CNTNAP2: variants seen among roughly 807,000 people sequenced by gnomAD.
CNTNAP2 encodes the protein contactin-associated protein-like 2.
In CNTNAP2, 98 loss-of-function variants were observed where a neutral mutation model predicts 155.2. That is an observed-to-expected ratio of 0.63 (90% CI 0.54 to 0.75). The LOEUF is 0.75. Ranked by LOEUF, CNTNAP2 falls within the 30% of genes least tolerant of loss-of-function variation. The probability of loss-of-function intolerance (pLI) is 0.00; values close to 1 mark genes in which losing one functional copy is unlikely to be tolerated. For synonymous variants in CNTNAP2, 651 were observed against 631.2 expected, an observed-to-expected ratio of 1.03 and a Z score of -0.47; for missense variants, 1,727 against 1,688.1, an observed-to-expected ratio of 1.02 and a Z score of -0.40.
intron 16 of CNTNAP2, among the ~76,000 whole-genome samples, chr7:148,128,769 G>C (rs771722374): frequency 6.6e-6 from 1 of 152,116 alleles, no homozygotes; most frequent in Non-Finnish European, 1.5e-5. Flanking sequence ...AGAAGATTGG[G>C]AATTCCTCCT....
intron 17 of CNTNAP2, among the ~76,000 whole-genome samples, chr7:148,164,451 G>A (rs746466440): frequency 3.3e-5 from 5 of 152,132 alleles, no homozygotes; most frequent in Non-Finnish European, 7.3e-5. Flanking sequence ...CCTAGACACA[G>A]AGGAGTCCTA....
chr7:148,014,462 A>C (rs1363616402), intron 15 of CNTNAP2, among the ~76,000 whole-genome samples: 2 of 152,186 alleles, frequency 1.3e-5, no homozygotes, highest in African/African-American at 4.8e-5. Flanking sequence ...TATTTACTAG[A>C]ATCTGGCAGA....
intron 3 of CNTNAP2, among the ~76,000 whole-genome samples, chr7:146,849,701 T>C (rs1794836137): frequency 6.6e-6 from 1 of 152,210 alleles, no homozygotes; most frequent in South Asian, 2.1e-4. Context: ...CAATGCCCCA[T>C]AAATATAGTC....
Position 146,532,743 on chromosome 7 carries a change from A to G in CNTNAP2, c.98-241528A>G, listed in dbSNP as rs535179971. On this transcript the variant is annotated intron_variant, in intron 1 of 23. Coordinates refer to ENST00000361727, the MANE Select transcript of CNTNAP2 (RefSeq NM_014141.6). Reference sequence around the variant, plus strand: ...TTACTCAGACTCTAGAAATATTATCAGACACTCCACCACCACTTGACACAA... The same window carrying G: ...TTACTCAGACTCTAGAAATATTATCGGACACTCCACCACCACTTGACACAA... 2.0e-5 allele frequency among the ~76,000 whole-genome samples: 3 copies of G among 152,134 alleles called. No homozygotes were observed. In the East Asian group the frequency reaches 5.8e-4, roughly 30 times the overall value.
chr7:147,731,555 G>A (rs1463765061), intron 13 of CNTNAP2, among the ~76,000 whole-genome samples: 1 of 152,102 alleles, frequency 6.6e-6, no homozygotes, highest in East Asian at 1.9e-4. Flanking sequence ...TCACCCAAGA[G>A]CTCTGATGGA....
At chr7:148,241,717 G>C (rs1180980735) in intron 20 of CNTNAP2, among the ~76,000 whole-genome samples, 1 of 152,150 alleles carries the variant, frequency 6.6e-6, no homozygotes, top group South Asian at 2.1e-4. Flanking sequence ...CAGAAAATAT[G>C]TTAAGAAAAT....
intron 4 of CNTNAP2, among the ~76,000 whole-genome samples, chr7:147,065,309 C>G (rs1419961363): frequency 6.6e-6 from 1 of 152,160 alleles, no homozygotes; most frequent in African/African-American, 2.4e-5. Flanking sequence ...TTTGAATCTT[C>G]ACTAGAGGCT....
intron 1 of CNTNAP2, among the ~76,000 whole-genome samples, chr7:146,579,931 C>G (rs1798586023): frequency 6.6e-6 from 1 of 152,006 alleles, no homozygotes; most frequent in Admixed American, 6.6e-5. Context: ...ATCCTATTTC[C>G]TGACTCTTAC....
At chr7:146,660,884 C>T (rs1042519185) in intron 1 of CNTNAP2, among the ~76,000 whole-genome samples, 6 of 152,112 alleles carry the variant, frequency 3.9e-5, no homozygotes, top group African/African-American at 9.7e-5. Flanking sequence ...CCTTGTATTC[C>T]GTGGCTCTTA....
At chr7:146,232,733 CTTA>C (rs1263526053) in intron 1 of CNTNAP2, among the ~76,000 whole-genome samples, 2 of 152,140 alleles carry the variant, frequency 1.3e-5, no homozygotes, top group African/African-American at 2.4e-5. Flanking sequence ...TTACTCTGCA[CTTA>C]TTATGTGCCT....
intron 13 of CNTNAP2, among the ~76,000 whole-genome samples, chr7:147,756,673 C>A (rs2116511970): frequency 6.6e-6 from 1 of 152,168 alleles, no homozygotes; most frequent in East Asian, 1.9e-4. Context: ...AAAGTTCTTT[C>A]AATATTAAAA....
intron 1 of CNTNAP2, among the ~76,000 whole-genome samples, chr7:146,721,127 CTA>C (rs1801293239): frequency 7.7e-6 from 1 of 130,242 alleles, no homozygotes; most frequent in African/African-American, 2.9e-5. Context: ...TCTATATATC[CTA>C]TATATATTCT....
At chr7:146,381,030 C>T (rs562772518) in intron 1 of CNTNAP2, among the ~76,000 whole-genome samples, 44 of 151,616 alleles carry the variant, frequency 2.9e-4, no homozygotes, top group African/African-American at 9.9e-4. Context: ...GATCTCCTGA[C>T]CTCGTGATCC....
chr7:146,686,226 G>T (rs948509114), intron 1 of CNTNAP2, among the ~76,000 whole-genome samples: 2 of 152,056 alleles, frequency 1.3e-5, no homozygotes, highest in Admixed American at 1.3e-4. Flanking sequence ...AACCCAGGAG[G>T]TGAAGGCTGT....
intron 21 of CNTNAP2, among the ~76,000 whole-genome samples, chr7:148,374,410 C>T (rs2116645760): frequency 6.6e-6 from 1 of 152,304 alleles, no homozygotes; most frequent in South Asian, 2.1e-4. Context: ...ATGAGGTCAA[C>T]ACCTTTCTAC....
intron 11 of CNTNAP2, among the ~76,000 whole-genome samples, chr7:147,536,154 T>G (rs1430690293): frequency 6.6e-6 from 1 of 151,938 alleles, no homozygotes; most frequent in Non-Finnish European, 1.5e-5. Context: ...AGTCTGAAAT[T>G]TAACATGTTT....
intron 16 of CNTNAP2, among the ~76,000 whole-genome samples, chr7:148,130,754 C>G (rs1237984772): frequency 6.6e-6 from 1 of 152,230 alleles, no homozygotes; most frequent in East Asian, 1.9e-4. Context: ...GACTATGTGT[C>G]TGCCTGTTCC....
At chr7:147,856,903 A>C (rs1799049279) in intron 13 of CNTNAP2, among the ~76,000 whole-genome samples, 1 of 152,188 alleles carries the variant, frequency 6.6e-6, no homozygotes, top group African/African-American at 2.4e-5. Flanking sequence ...CCCTCACCCA[A>C]GGAAATCTGT....
In CNTNAP2 at chr7:147,490,849, G is replaced by A. The variant is rs540340184; in HGVS notation, c.1777+4808G>A. Reference sequence around the variant, plus strand: ...GAAACTTACCATCATGGTGGAAGGCGAAGGGGAAGCAAGGCCCTTCTTGAC... The same window carrying A: ...GAAACTTACCATCATGGTGGAAGGCAAAGGGGAAGCAAGGCCCTTCTTGAC... On this transcript the variant is annotated intron_variant, in intron 11 of 23. Coordinates refer to ENST00000361727, the MANE Select transcript of CNTNAP2 (RefSeq NM_014141.6). Among the ~76,000 whole-genome samples, 11 of 152,284 alleles carry A rather than the reference G, an allele frequency of 7.2e-5. No homozygotes were observed. The South Asian group carries it at 8.3e-4, about 11-fold the overall frequency.
Sources: allele counts gnomAD v4.1 joint callset (sites outside exome capture counted in the v4.1 genomes callset), GRCh38; gene constraint gnomAD v4.1.1; transcripts MANE v1.5; gene names NCBI Gene and HGNC (gene_info 2026-07-23, HGNC 2026-07-21).